The following FNDC3B variants were observed in gnomAD, a reference collection of about 807,000 sequenced individuals.
FNDC3B encodes the protein fibronectin type III domain containing 3B, also known as fibronectin type III domain-containing protein 3B.
Under a neutral mutation model 151.5 loss-of-function variants are expected in FNDC3B, and 12 were observed. The observed-to-expected ratio is 0.08, with a 90% CI of 0.05 to 0.13. The LOEUF (loss-of-function observed/expected upper bound fraction) is 0.13. Among genes scored for constraint, FNDC3B ranks in the 10% least tolerant of loss-of-function variants. The pLI is 1.00. For synonymous variants in FNDC3B, 528 were observed against 549.0 expected (o/e 0.96, Z 0.54); for missense variants, 1,214 against 1,505.3 (o/e 0.81, Z 3.20).
chr3:172,147,340 T>C (rs1474021250), intron 3 of FNDC3B, among the ~76,000 whole-genome samples: 1 of 148,460 alleles, frequency 6.7e-6, no homozygotes, highest in Admixed American at 6.7e-5. Flanking sequence ...GGTGAGAAAA[T>C]AACCATCTTA....
chr3:172,395,839 A>T (rs1269643319), intron 25 of FNDC3B, among the ~76,000 whole-genome samples: 5 of 152,244 alleles, frequency 3.3e-5, no homozygotes, highest in Admixed American at 2.6e-4. Flanking sequence ...GATGCGCAGC[A>T]TCTTTCAGCA....
intron 1 of FNDC3B, among the ~76,000 whole-genome samples, chr3:172,041,968 C>T (rs1716102855): frequency 6.6e-6 from 1 of 152,046 alleles, no homozygotes; most frequent in African/African-American, 2.4e-5. Context: ...GGGGCACCCA[C>T]AGGCTGGCTG....
intron 8 of FNDC3B, among the ~76,000 whole-genome samples, chr3:172,297,375 A>C (rs1168861872): frequency 6.6e-6 from 1 of 151,962 alleles, no homozygotes; most frequent in African/African-American, 2.4e-5. Flanking sequence ...ATACCTATAT[A>C]CTCCATATCC....
chr3:172,058,062 G>A (rs889512307), intron 1 of FNDC3B, among the ~76,000 whole-genome samples: 2 of 152,168 alleles, frequency 1.3e-5, no homozygotes, highest in Non-Finnish European at 2.9e-5. Context: ...TGCAAGTTAG[G>A]TGTCTAGGAA....
intron 1 of FNDC3B, among the ~76,000 whole-genome samples, chr3:172,078,576 G>A (rs1718135951): frequency 6.6e-6 from 1 of 152,208 alleles, no homozygotes; most frequent in African/African-American, 2.4e-5. Flanking sequence ...AATTTCATTT[G>A]TGAAACAAAA....
intron 1 of FNDC3B, among the ~76,000 whole-genome samples, chr3:172,096,064 A>C (rs1277784715): frequency 1.3e-5 from 2 of 152,200 alleles, no homozygotes; most frequent in Non-Finnish European, 2.9e-5. Flanking sequence ...ACATATTGCC[A>C]GTTTGGTTCT....
chr3:172,335,247 CA>C (rs1473140508), intron 15 of FNDC3B, 165 bp downstream of exon 15: 1 of 537,636 alleles, frequency 1.9e-6, no homozygotes, highest in African/African-American at 2.0e-5. Context: ...GAGAATTCTA[CA>C]AATTGGAATG....
At chr3:172,084,536 G>A (rs970475231) in intron 1 of FNDC3B, among the ~76,000 whole-genome samples, 1 of 149,390 alleles carries the variant, frequency 6.7e-6, no homozygotes, top group Non-Finnish European at 1.5e-5. Flanking sequence ...TTATGAGGCA[G>A]TATTATGCTT....
chr3:172,138,858 C>T lies in FNDC3B; in HGVS notation c.187+5312C>T, dbSNP rs534422784. The stretch of plus-strand genomic sequence containing the variant: ...AGAGGGGAATTCTAAGAGGGCACTA[C>T]TATGAGATGGCTGTAGCTTTGAAGC... On this transcript the variant is annotated intron_variant, in intron 3 of 25. Transcript: ENST00000415807. Among the ~76,000 whole-genome samples the T allele has an allele frequency of 5.9e-5, 9 of 152,356 alleles. No homozygotes were observed. In the South Asian group the frequency reaches 1.9e-3, roughly 32 times the overall value.
intron 1 of FNDC3B, among the ~76,000 whole-genome samples, chr3:172,090,298 C>G (rs1314934258): frequency 1.3e-5 from 2 of 152,156 alleles, no homozygotes; most frequent in South Asian, 4.1e-4. Flanking sequence ...AATCCCATGA[C>G]CTTGACAGCC....
intron 1 of FNDC3B, among the ~76,000 whole-genome samples, chr3:172,096,162 G>A (rs1423655613): frequency 6.6e-6 from 1 of 152,134 alleles, no homozygotes; most frequent in African/African-American, 2.4e-5. Flanking sequence ...CTGGTTCCTG[G>A]TACATACATT....
At chr3:172,239,067 A>G (rs552396860) in intron 4 of FNDC3B, among the ~76,000 whole-genome samples, 39 of 145,386 alleles carry the variant, frequency 2.7e-4, no homozygotes, top group Non-Finnish European at 4.2e-4. Context: ...TTTTTTTTTT[A>G]TTTTGGCTTG....
At chr3:172,285,412 A>G (rs911350662) in intron 6 of FNDC3B, among the ~76,000 whole-genome samples, 10 of 152,328 alleles carry the variant, frequency 6.6e-5, no homozygotes, top group South Asian at 2.1e-4. Context: ...AGAAGATCAT[A>G]TCTGTCCCTT....
intron 3 of FNDC3B, among the ~76,000 whole-genome samples, chr3:172,216,836 G>A (rs1726003559): frequency 6.6e-6 from 1 of 152,148 alleles, no homozygotes; most frequent in East Asian, 1.9e-4. Context: ...TGGATGTATG[G>A]AACCCACTGT....
At chr3:172,117,333 A>G (rs766562232) in intron 2 of FNDC3B, among the ~76,000 whole-genome samples, 1 of 152,232 alleles carries the variant, frequency 6.6e-6, no homozygotes, top group Non-Finnish European at 1.5e-5. Flanking sequence ...ATGCCCTTCA[A>G]TAATCAGAAA....
chr3:172,223,586 T>C (rs545006032), intron 3 of FNDC3B, among the ~76,000 whole-genome samples: 1 of 152,334 alleles, frequency 6.6e-6, no homozygotes, highest in East Asian at 1.9e-4. Context: ...ATTTGCATGG[T>C]ATACGTTTTG....
At chr3:172,281,330 C>T (rs1337368022) in intron 6 of FNDC3B, among the ~76,000 whole-genome samples, 1 of 151,872 alleles carries the variant, frequency 6.6e-6, no homozygotes, top group Non-Finnish European at 1.5e-5. Context: ...ACTGCAACCT[C>T]CACATCCCGG....
intron 3 of FNDC3B, among the ~76,000 whole-genome samples, chr3:172,185,855 C>T (rs1177636855): frequency 6.6e-6 from 1 of 152,114 alleles, no homozygotes; most frequent in Admixed American, 6.5e-5. Flanking sequence ...CTTTCTTTGC[C>T]ACTCTCAAAT....
chr3:172,065,727 A>G (rs1016673309), intron 1 of FNDC3B, among the ~76,000 whole-genome samples: 1 of 152,256 alleles, frequency 6.6e-6, no homozygotes, highest in Admixed American at 6.5e-5. Context: ...GAGTAGCTCC[A>G]GATGGTCAGA....
Sources: gnomAD v4.1 joint callset for allele counts (sites outside exome capture counted in the v4.1 genomes callset) on GRCh38, gnomAD v4.1.1 for gene constraint, MANE v1.5 for transcripts, NCBI Gene and HGNC (gene_info 2026-07-23, HGNC 2026-07-21) for gene names.